The following DPY19L2 variants were observed in gnomAD, a reference collection of about 807,000 sequenced individuals.
DPY19L2 encodes dpy-19 like 2, also known as probable C-mannosyltransferase DPY19L2.
In DPY19L2, 34 loss-of-function variants were observed where a neutral mutation model predicts 97.9. The observed-to-expected ratio is 0.35, with a 90% CI of 0.26 to 0.46. The LOEUF (loss-of-function observed/expected upper bound fraction) is 0.46, where lower values mean the gene tolerates loss of function less well. Among genes scored for constraint, DPY19L2 ranks in the 20% least tolerant of loss-of-function variants. The pLI is 1.00. For missense variants in DPY19L2, 623 were observed against 911.4 expected, an observed-to-expected ratio of 0.68 and a Z score of 4.07; for synonymous variants, 230 against 307.9, an observed-to-expected ratio of 0.75 and a Z score of 2.65.
At chr12:63,586,676 AT>A in intron 16 of DPY19L2, among the ~76,000 whole-genome samples, 1 of 152,320 alleles carries the variant, frequency 6.6e-6, no homozygotes, top group South Asian at 2.1e-4. Context: ...GTGAGGATTT[AT>A]TGAGTTAATA....
intron 6 of DPY19L2, among the ~76,000 whole-genome samples, chr12:63,627,834 T>A (rs541203570): frequency 1.2e-4 from 19 of 152,162 alleles, no homozygotes; most frequent in Non-Finnish European, 2.2e-4. Context: ...TCTTGTTCAT[T>A]ACTATATCCC....
intron 12 of DPY19L2, among the ~76,000 whole-genome samples, chr12:63,600,714 G>A (rs182653838): frequency 6.2e-4 from 94 of 150,606 alleles, no homozygotes; most frequent in African/African-American, 2.1e-3. Context: ...GAGGAAGGGG[G>A]GATTTGAACA....
rs184197948 is a variant in DPY19L2, at chr12:63,598,948, G to A, written c.1360-1038C>T. Among the ~76,000 whole-genome samples the A allele has an allele frequency of 5.8e-3, 878 of 151,524 alleles. 11 individuals carry two copies. The highest frequency in any genetic ancestry group is 0.019 in the African/African-American group (801 of 41,272). On this transcript the variant is annotated intron_variant, in intron 13 of 21. Coordinates refer to ENST00000324472, the MANE Select transcript of DPY19L2 (RefSeq NM_173812.5). ...AGCACTTTGGGAGGCCCAGGCAGGCGGATCACTTGAGGTCAGGAGTTTGAG... is the reference window on the plus strand; with the variant it reads ...AGCACTTTGGGAGGCCCAGGCAGGCAGATCACTTGAGGTCAGGAGTTTGAG...
At chr12:63,570,678 T>C (rs1002750149) in intron 20 of DPY19L2, 80 bp downstream of exon 20, 106 of 1,156,858 alleles carry the variant, frequency 9.2e-5, no homozygotes, top group Non-Finnish European at 1.3e-4. Flanking sequence ...TGTGTGTGTG[T>C]GTGTGTGTAA....
At chr12:63,655,657 C>G (rs1894864945) in intron 4 of DPY19L2, among the ~76,000 whole-genome samples, 1 of 150,314 alleles carries the variant, frequency 6.7e-6, no homozygotes, top group Admixed American at 6.6e-5. Context: ...ATTTTTGTAC[C>G]AGTAATGTGA....
chr12:63,665,698 A>G (rs1294351191), intron 2 of DPY19L2, 137 bp downstream of exon 2: 4 of 719,740 alleles, frequency 5.6e-6, no homozygotes, highest in Non-Finnish European at 9.0e-6. Flanking sequence ...TAAAAAAGCA[A>G]AATACATGTA....
At chr12:63,630,382 C>G (rs1411205100) in intron 6 of DPY19L2, among the ~76,000 whole-genome samples, 2 of 151,844 alleles carry the variant, frequency 1.3e-5, no homozygotes, top group African/African-American at 4.8e-5. Flanking sequence ...ATCTACCAAG[C>G]AAATGGAAAA....
At chr12:63,577,871 T>C (rs142333976) in intron 19 of DPY19L2, among the ~76,000 whole-genome samples, 4,492 of 152,214 alleles carry the variant, frequency 0.03, 105 homozygotes, top group Middle Eastern at 0.082. Context: ...AACCACTATG[T>C]AGAAGAGTTT....
chr12:63,614,340 C>G (rs1436874629), intron 11 of DPY19L2, among the ~76,000 whole-genome samples: 1 of 151,824 alleles, frequency 6.6e-6, no homozygotes, highest in Non-Finnish European at 1.5e-5. Context: ...TAGAACAAGA[C>G]TAAAATAACC....
rs1383970156 is a variant in DPY19L2, at chr12:63,570,695, C to T, written c.2000+63G>A. Reference sequence around the variant, plus strand: ...TGTGTGTGTGTGTGTGTAAAATTTTCCCAATTCCTAAGAATTGGGAGTTGC... The same window carrying T: ...TGTGTGTGTGTGTGTGTAAAATTTTTCCAATTCCTAAGAATTGGGAGTTGC... On this transcript the variant is annotated intron_variant, in intron 20 of 21. Coordinates refer to ENST00000324472, the MANE Select transcript of DPY19L2 (RefSeq NM_173812.5). 7.2e-6 allele frequency: 10 copies of T among 1,382,398 alleles called. No individual in the cohort carries two copies. In the African/African-American group the frequency reaches 1.3e-4, roughly 19 times the overall value. 85.6% of individuals were successfully genotyped at this position (1,382,398 alleles called of 1,614,324 possible). A position where few individuals can be genotyped will look rare whatever the true frequency, so the allele number is the denominator to read the frequency against.
chr12:63,648,313 C>T (rs1893707618), intron 4 of DPY19L2, among the ~76,000 whole-genome samples: 1 of 151,898 alleles, frequency 6.6e-6, no homozygotes, highest in Admixed American at 6.6e-5. Context: ...CAGCACAAAA[C>T]AGACTAAGAC....
intron 16 of DPY19L2, among the ~76,000 whole-genome samples, chr12:63,586,850 A>C (rs1035541594): frequency 1.3e-5 from 2 of 152,220 alleles, no homozygotes; most frequent in African/African-American, 4.8e-5. Flanking sequence ...GAAATGGGAT[A>C]TAGCTAACAA....
At chr12:63,594,035 T>C (rs1883656889) in intron 16 of DPY19L2, 52 bp downstream of exon 16, 1 of 1,262,560 alleles carries the variant, frequency 7.9e-7, no homozygotes, top group Non-Finnish European at 1.1e-6. Flanking sequence ...TTACAGTAAG[T>C]TATTTAATAA....
intron 9 of DPY19L2, chr12:63,620,353 C>G: frequency 5.6e-6 from 1 of 178,512 alleles, no homozygotes; most frequent in South Asian, 1.2e-4. Context: ...GAATTAGAAG[C>G]AGAACGTCCT....
At chr12:63,626,069 T>C (rs1382568041) in intron 7 of DPY19L2, among the ~76,000 whole-genome samples, 1 of 147,218 alleles carries the variant, frequency 6.8e-6, no homozygotes, top group South Asian at 2.1e-4. Context: ...CATCATGTAG[T>C]AAATGTGGAA....
intron 19 of DPY19L2, among the ~76,000 whole-genome samples, chr12:63,572,413 G>A (rs1592391009): frequency 6.6e-6 from 1 of 152,238 alleles, no homozygotes; most frequent in East Asian, 1.9e-4. Flanking sequence ...GTAGGATAGA[G>A]CATCAGGTAG....
chr12:63,604,611 T>C (rs1885736166), intron 12 of DPY19L2, among the ~76,000 whole-genome samples: 1 of 152,138 alleles, frequency 6.6e-6, no homozygotes, highest in Admixed American at 6.5e-5. Flanking sequence ...TCCTCTGTAA[T>C]ATTCACTCTG....
At chr12:63,606,922 C>T (rs1376643235) in intron 12 of DPY19L2, among the ~76,000 whole-genome samples, 3 of 152,084 alleles carry the variant, frequency 2.0e-5, no homozygotes, top group Non-Finnish European at 2.9e-5. Flanking sequence ...CTTCTATTGA[C>T]ATTAAACTCT....
intron 6 of DPY19L2, among the ~76,000 whole-genome samples, chr12:63,640,367 A>G: frequency 6.6e-6 from 1 of 152,174 alleles, no homozygotes; most frequent in African/African-American, 2.4e-5. Flanking sequence ...AAAAAAAGAT[A>G]CGAGAGGATA....
Sources: allele counts gnomAD v4.1 joint callset (sites outside exome capture counted in the v4.1 genomes callset), GRCh38; gene constraint gnomAD v4.1.1; transcripts MANE v1.5; gene names NCBI Gene and HGNC (gene_info 2026-07-23, HGNC 2026-07-21).